Variants in F13A1 observed in about 807,000 individuals in gnomAD.
F13A1 encodes the protein FSF, A subunit.
A neutral mutation model predicts 80.1 loss-of-function variants in F13A1; 47 were observed. The observed-to-expected ratio is 0.59, with a 90% confidence interval of 0.46 to 0.75. F13A1 has a LOEUF of 0.75. Ranked by LOEUF, F13A1 falls within the 30% of genes least tolerant of loss-of-function variation. The pLI is 0.00. For synonymous variants in F13A1, 349 were observed against 344.9 expected (o/e 1.01, Z -0.13); for missense variants, 817 against 930.4 (o/e 0.88, Z 1.59).
chr6:6,314,946 G>C (rs1758658056), intron 2 of F13A1, among the ~76,000 whole-genome samples: 2 of 152,194 alleles, frequency 1.3e-5, no homozygotes, highest in Admixed American at 1.3e-4. Flanking sequence ...TTAATTGGTT[G>C]ATTTAATTCT....
intron 13 of F13A1, 89 bp downstream of exon 13, chr6:6,167,369 C>T (rs1056217577): frequency 1.0e-5 from 13 of 1,297,302 alleles, no homozygotes; most frequent in African/African-American, 4.5e-5. Flanking sequence ...CATTCACACA[C>T]ACACACACAT....
chr6:6,192,032 C>T (rs1363893679), intron 10 of F13A1, among the ~76,000 whole-genome samples: 4 of 152,192 alleles, frequency 2.6e-5, no homozygotes, highest in African/African-American at 4.8e-5. Flanking sequence ...AAGCATTCTT[C>T]CTACACAGAG....
chr6:6,257,045 G>T (rs192451899), intron 4 of F13A1, among the ~76,000 whole-genome samples: 1 of 152,192 alleles, frequency 6.6e-6, no homozygotes, highest in Non-Finnish European at 1.5e-5. Context: ...TTTAGGGAAG[G>T]AAGGAATTTA....
At position 6,264,285 on chromosome 6, in the gene F13A1, G is replaced by A. The variant is rs1166363664; in HGVS notation, c.571+2273C>T. ...ACACATGATATAATCCAGAAAAGTT[G>A]CAAACAAACCAAAGTCTGGGTAAAT... On this transcript the variant is annotated intron_variant, in intron 4 of 14. Coordinates refer to ENST00000264870, the MANE Select transcript of F13A1 (RefSeq NM_000129.4). 1.2e-4 allele frequency among the ~76,000 whole-genome samples: 19 copies of A among 152,156 alleles called. 1 individual carries two copies. Among genetic ancestry groups the A allele is most frequent in the Admixed American group, 1.2e-3 (19 of 15,272 alleles).
chr6:6,170,099 A>G (rs957432190), intron 12 of F13A1, among the ~76,000 whole-genome samples: 1 of 152,186 alleles, frequency 6.6e-6, no homozygotes, highest in Non-Finnish European at 1.5e-5. Flanking sequence ...GATGAGCACA[A>G]ATGGTCAGTT....
At chr6:6,246,142 A>AT (rs879667651) in intron 6 of F13A1, among the ~76,000 whole-genome samples, 25 of 152,018 alleles carry the variant, frequency 1.6e-4, no homozygotes, top group African/African-American at 6.0e-4. Flanking sequence ...AAATTTAAAG[A>AT]TTTTTTTTGT....
chr6:6,172,618 T>G (rs962268631), intron 12 of F13A1, among the ~76,000 whole-genome samples: 2 of 151,962 alleles, frequency 1.3e-5, no homozygotes, highest in Non-Finnish European at 2.9e-5. Flanking sequence ...GCTAATTTTT[T>G]GTATTTTTAG....
Position 6,248,405 on chromosome 6 carries a change from G to T in F13A1, c.705C>A (p.Ile235=). ...SWSYGQFEDG[I]LDTCLYVMDR... is the part of the protein sequence containing the mutation. ...CCATCACATACAGGCAAGTGTCCAG[G>T]ATGCCATCTTCAAACTATTTGGAGA... Residue 235 remains isoleucine (I), a synonymous_variant, in exon 6 of 15, where the codon ATC becomes ATA. Transcript: ENST00000264870. 1.2e-6 allele frequency: 2 copies of T among 1,613,568 alleles called. No individual in the cohort carries two copies. Among genetic ancestry groups the T allele is most frequent in the South Asian group, 2.2e-5 (2 of 91,060 alleles).
At chr6:6,320,340 G>A (rs1387361589) in intron 1 of F13A1, among the ~76,000 whole-genome samples, 1 of 152,184 alleles carries the variant, frequency 6.6e-6, no homozygotes, top group Admixed American at 6.5e-5. Flanking sequence ...ATCCCCATTT[G>A]GTGGCATTCT....
intron 6 of F13A1, among the ~76,000 whole-genome samples, chr6:6,239,541 G>C (rs1757458069): frequency 1.3e-5 from 2 of 151,996 alleles, no homozygotes. Context: ...AATGTCCTTT[G>C]GTATATATAT....
intron 2 of F13A1, among the ~76,000 whole-genome samples, chr6:6,306,580 C>T (rs969350423): frequency 6.6e-6 from 1 of 152,228 alleles, no homozygotes; most frequent in African/African-American, 2.4e-5. Flanking sequence ...AACTCCCTGT[C>T]CTCACTGTAC....
At chr6:6,246,055 C>T (rs1186104691) in intron 6 of F13A1, among the ~76,000 whole-genome samples, 1 of 152,226 alleles carries the variant, frequency 6.6e-6, no homozygotes. Flanking sequence ...GGCTAAGAGT[C>T]CACAACTTCA....
rs542988316 is a variant in F13A1, at chr6:6,149,640, G to C, written c.2045+2173C>G. The stretch of plus-strand genomic sequence containing the variant: ...GGGAAGGGAGCCCTCATCAGGAACC[G>C]AATTGGTCGGCACCTTGTCCTCAGA... On this transcript the variant is annotated intron_variant, in intron 14 of 14. Coordinates refer to ENST00000264870, the MANE Select transcript of F13A1 (RefSeq NM_000129.4). 1.9e-4 allele frequency among the ~76,000 whole-genome samples: 29 copies of C among 152,284 alleles called. 2 individuals carry two copies. In the South Asian group the frequency reaches 4.3e-3, roughly 23 times the overall value.
rs1428854408 is a variant in F13A1 at position 6,187,237 on chromosome 6, G to C, written c.1306-5096C>G. ...TTATTTCCTTCTGCCTAATTGCCCT[G>C]GCCAGAATTTCCAACACTATGTTGA... On this transcript the variant is annotated intron_variant, in intron 10 of 14. Transcript: ENST00000264870. Among the ~76,000 whole-genome samples, 3 of 118,254 alleles carry C rather than the reference G, an allele frequency of 2.5e-5. No homozygotes were observed. In the East Asian group the frequency reaches 6.3e-4, roughly 25 times the overall value. 77.6% of individuals were successfully genotyped at this position (118,254 alleles called of 152,430 possible).
At chr6:6,200,170 G>A (rs372047086) in intron 8 of F13A1, among the ~76,000 whole-genome samples, 3 of 152,236 alleles carry the variant, frequency 2.0e-5, no homozygotes, top group Admixed American at 6.5e-5. Flanking sequence ...TGGATGAAGC[G>A]GAGGAGGAGG....
rs1263000411 is a variant in F13A1, at chr6:6,209,561, C to G, written c.1113-12235G>C. Among the ~76,000 whole-genome samples the G allele has an allele frequency of 2.2e-4, 34 of 152,166 alleles. No homozygotes were observed. The East Asian group carries it at 2.9e-3, about 13-fold the overall frequency. On this transcript the variant is annotated intron_variant, in intron 8 of 14. Coordinates refer to ENST00000264870, the MANE Select transcript of F13A1 (RefSeq NM_000129.4). ...AAAACTTTTACCTGAATGTTCATTACAACATTATTCATGAAAGCCAAAAAT... is the reference window on the plus strand; with the variant it reads ...AAAACTTTTACCTGAATGTTCATTAGAACATTATTCATGAAAGCCAAAAAT...
chr6:6,167,985 G>A (rs1760707614), intron 12 of F13A1, among the ~76,000 whole-genome samples: 1 of 152,206 alleles, frequency 6.6e-6, no homozygotes, highest in Non-Finnish European at 1.5e-5. Context: ...AATGGAACAT[G>A]TGGGGTGCTG....
intron 8 of F13A1, among the ~76,000 whole-genome samples, chr6:6,220,270 C>A (rs1278496750): frequency 6.6e-6 from 1 of 152,082 alleles, no homozygotes; most frequent in Non-Finnish European, 1.5e-5. Context: ...GGGTCCCAGG[C>A]CAGGAAGAAC....
chr6:6,199,193 A>G (rs989821304), intron 8 of F13A1, among the ~76,000 whole-genome samples: 4 of 152,214 alleles, frequency 2.6e-5, no homozygotes, highest in Non-Finnish European at 5.9e-5. Flanking sequence ...AGCACCCTAT[A>G]AGAACAGTAC....
Sources: gnomAD v4.1 joint callset for allele counts (sites outside exome capture counted in the v4.1 genomes callset) on GRCh38, gnomAD v4.1.1 for gene constraint, MANE v1.5 for transcripts, NCBI Gene and HGNC (gene_info 2026-07-23, HGNC 2026-07-21) for gene names.